The following DMD variants were observed in gnomAD, a reference collection of about 807,000 sequenced individuals.
DMD encodes the protein mutant dystrophin.
In DMD, 63 loss-of-function variants were observed where a neutral mutation model predicts 330.1. The ratio of observed to expected loss-of-function variants is 0.19; its 90% CI spans 0.16 to 0.24. The LOEUF is 0.24. Ranked by LOEUF, DMD falls within the 10% of genes least tolerant of loss-of-function variation. DMD has a pLI of 1.00. For missense variants in DMD, 3,344 were observed against 2,684.1 expected (o/e 1.25, Z -5.43); for synonymous variants, 1,223 against 959.8 (o/e 1.27, Z -5.07).
At chrX:32,164,286 C>G (rs774465261) in intron 44 of DMD, among the ~76,000 whole-genome samples, 2 of 111,658 alleles carry the variant, frequency 1.8e-5, no homozygotes, top group Non-Finnish European at 3.8e-5. Context: ...CAGAAGAAGA[C>G]AGGAAAATGT....
intron 52 of DMD, among the ~76,000 whole-genome samples, chrX:31,708,739 TTA>T (rs2084385459): frequency 8.9e-6 from 1 of 112,117 alleles, no homozygotes; most frequent in Admixed American, 9.5e-5. Flanking sequence ...TTTTAGATTA[TTA>T]ATCACTTTCC....
At chrX:32,683,623 T>TCA (rs2062606888) in intron 9 of DMD, among the ~76,000 whole-genome samples, 1 of 76,635 alleles carries the variant, frequency 1.3e-5, no homozygotes, top group Non-Finnish European at 2.3e-5. Context: ...AAGGGGAACA[T>TCA]CACACACTGG....
chrX:31,125,134 T>C (rs1383975077), intron 78 of DMD, among the ~76,000 whole-genome samples: 2 of 111,926 alleles, frequency 1.8e-5, no homozygotes, highest in African/African-American at 3.2e-5. Flanking sequence ...GAGTGAAACA[T>C]GTTTAAGGTG....
chrX:32,605,155 A>G (rs979127155), intron 12 of DMD, among the ~76,000 whole-genome samples: 1 of 111,252 alleles, frequency 9.0e-6, no homozygotes, highest in African/African-American at 3.2e-5. Flanking sequence ...AATTATACTA[A>G]AAGGCTACAG....
At chrX:32,493,422 A>G (rs376961589) in intron 19 of DMD, among the ~76,000 whole-genome samples, 1 of 112,099 alleles carries the variant, frequency 8.9e-6, no homozygotes, top group East Asian at 2.8e-4. Flanking sequence ...TGTAAAAAGA[A>G]TATATACATG....
intron 7 of DMD, among the ~76,000 whole-genome samples, chrX:32,741,176 A>G (rs2069212903): frequency 9.0e-6 from 1 of 111,625 alleles, no homozygotes; most frequent in African/African-American, 3.3e-5. Flanking sequence ...ATGACTGGAC[A>G]TAGCTAATCA....
intron 34 of DMD, among the ~76,000 whole-genome samples, chrX:32,372,263 ATGTCCTATG>A (rs1275618485): frequency 8.9e-6 from 1 of 112,087 alleles, no homozygotes; most frequent in African/African-American, 3.2e-5. Flanking sequence ...TTTCATGAGT[ATGTCCTATG>A]TGTCAGGCAA....
intron 25 of DMD, among the ~76,000 whole-genome samples, chrX:32,463,075 T>A (rs1379127879): frequency 1.3e-4 from 15 of 112,401 alleles, no homozygotes; most frequent in African/African-American, 4.5e-4. Context: ...CCATGCATTT[T>A]ATTTTGTACC....
intron 2 of DMD, among the ~76,000 whole-genome samples, chrX:32,863,834 C>G (rs939707091): frequency 8.9e-6 from 1 of 112,122 alleles, no homozygotes; most frequent in African/African-American, 3.2e-5. Context: ...CAGCTTCTTC[C>G]TAATTATTCC....
chrX:32,394,924 A>ACAAAC (rs2098032410), intron 30 of DMD, among the ~76,000 whole-genome samples: 6 of 86,706 alleles, frequency 6.9e-5, no homozygotes, highest in East Asian at 6.5e-4. Context: ...AACAAAAAAA[A>ACAAAC]AAAAAAAAAG....
chrX:33,014,471 T>C (rs767110470), intron 2 of DMD, among the ~76,000 whole-genome samples: 1 of 111,901 alleles, frequency 8.9e-6, no homozygotes, highest in East Asian at 2.8e-4. Context: ...AGTAGAAGAA[T>C]GCAAAATGTT....
chrX:32,999,806 C>CAAAA (rs375961835), intron 2 of DMD, among the ~76,000 whole-genome samples: 2 of 97,610 alleles, frequency 2.0e-5, no homozygotes, highest in Non-Finnish European at 4.1e-5. Flanking sequence ...AAACAAAAAA[C>CAAAA]AAAAAAAAAA....
chrX:32,196,997 A>C (rs975252955), intron 44 of DMD, among the ~76,000 whole-genome samples: 3 of 103,183 alleles, frequency 2.9e-5, no homozygotes, highest in Non-Finnish European at 3.9e-5. Flanking sequence ...AAAAAAAAAA[A>C]AAAAAAAACA....
intron 55 of DMD, among the ~76,000 whole-genome samples, chrX:31,569,632 GTA>G (rs940638610): frequency 3.1e-5 from 3 of 95,593 alleles, no homozygotes; most frequent in South Asian, 4.5e-4. Flanking sequence ...ACGTATATAC[GTA>G]TATATATGTA....
chrX:32,862,596 A>G (rs958474232), intron 2 of DMD, among the ~76,000 whole-genome samples: 2 of 67,952 alleles, frequency 2.9e-5, no homozygotes, highest in African/African-American at 1.5e-4. Context: ...TATTAATAAA[A>G]TTATGGTAAA....
chrX:32,842,315 C>T (rs895577207), intron 4 of DMD, among the ~76,000 whole-genome samples: 3 of 112,332 alleles, frequency 2.7e-5, no homozygotes, highest in African/African-American at 9.7e-5. Context: ...CAGAGATAAC[C>T]ACGCTAGGGA....
chrX:32,807,142 AAAAAAAAC>A lies in DMD; in HGVS notation c.649+2343_649+2350del, dbSNP rs1361353412. Among the ~76,000 whole-genome samples the A allele has an allele frequency of 1.4e-3, 148 of 104,355 alleles. 1 individual carries two copies. Among genetic ancestry groups the A allele is most frequent in the African/African-American group, 5.0e-3 (140 of 28,201 alleles). 90.6% of individuals were successfully genotyped at this position (104,355 alleles called of 115,157 possible). On this transcript the variant is annotated intron_variant, in intron 7 of 78. Transcript: ENST00000357033. ...ACATTTAAAAAAAAAAAAAAAAAAA[AAAAAAAAC>A]ATCAACAAATCCAGGAGGTGTTTTT...
At chrX:32,340,288 C>T (rs1220753845) in intron 41 of DMD, among the ~76,000 whole-genome samples, 1 of 111,586 alleles carries the variant, frequency 9.0e-6, no homozygotes, top group African/African-American at 3.2e-5. Flanking sequence ...ACAAAAATAG[C>T]CCCCTTCACA....
chrX:32,164,905 G>C (rs73456189), intron 44 of DMD, among the ~76,000 whole-genome samples: 1 of 112,088 alleles, frequency 8.9e-6, no homozygotes, highest in Non-Finnish European at 1.9e-5. Context: ...CATTGCTTCA[G>C]AGGGAGCAAG....
Sources: allele counts gnomAD v4.1 joint callset (sites outside exome capture counted in the v4.1 genomes callset), GRCh38; gene constraint gnomAD v4.1.1; transcripts MANE v1.5; gene names NCBI Gene and HGNC (gene_info 2026-07-23, HGNC 2026-07-21).